NEK1: variants seen among roughly 807,000 people sequenced by gnomAD.
NEK1 encodes the protein serine/threonine-protein kinase Nek1.
NEK1 carries 137 observed loss-of-function variants against 182.1 expected under a neutral mutation model. The observed-to-expected ratio is 0.75, with a 90% CI of 0.65 to 0.87. The LOEUF is 0.87. NEK1 is among the 40% of genes least tolerant of loss of function. NEK1 has a pLI of 0.00. For missense variants in NEK1, 1,391 were observed against 1,494.4 expected (o/e 0.93, Z 1.14); for synonymous variants, 513 against 492.2 (o/e 1.04, Z -0.56).
At chr4:169,483,250 T>A (rs1179486334) in intron 23 of NEK1, among the ~76,000 whole-genome samples, 1 of 152,154 alleles carries the variant, frequency 6.6e-6, no homozygotes, top group African/African-American at 2.4e-5. Flanking sequence ...CCATCTTATA[T>A]GGGTGAAGTC....
rs185979548 is a variant in NEK1 at position 169,439,940 on chromosome 4, G to A, written c.2588-1681C>T. On this transcript the variant is annotated intron_variant, in intron 27 of 35. Coordinates refer to ENST00000507142, the MANE Select transcript of NEK1 (RefSeq NM_001199397.3). Reference sequence around the variant, plus strand: ...CAGCTCACTGCAACCTCCACCTCCCGGGTTCAAGCAATTCTCCTGCCTCAG... The same window carrying A: ...CAGCTCACTGCAACCTCCACCTCCCAGGTTCAAGCAATTCTCCTGCCTCAG... Among the ~76,000 whole-genome samples the A allele has an allele frequency of 2.7e-3, 403 of 147,018 alleles. 2 individuals carry two copies. Among genetic ancestry groups the A allele is most frequent in the Middle Eastern group, 6.9e-3 (2 of 288 alleles).
At chr4:169,481,064 A>G (rs1747913353) in intron 23 of NEK1, among the ~76,000 whole-genome samples, 1 of 152,218 alleles carries the variant, frequency 6.6e-6, no homozygotes, top group Non-Finnish European at 1.5e-5. Context: ...CTCCACCTCA[A>G]GAAACCACTT....
chr4:169,425,029 G>C (rs1736133254), intron 30 of NEK1, among the ~76,000 whole-genome samples: 1 of 152,046 alleles, frequency 6.6e-6, no homozygotes, highest in Non-Finnish European at 1.5e-5. Context: ...TCATTATATT[G>C]AAAGTTCTAC....
intron 35 of NEK1, chr4:169,399,940 G>C (rs1232465171): frequency 1.3e-5 from 5 of 372,806 alleles, no homozygotes; most frequent in Admixed American, 4.2e-5. Flanking sequence ...TATTCTAATT[G>C]CTAGAGCTGT....
rs1416401611 is a variant in NEK1, at chr4:169,400,521, CTTTA to C, written c.3710_3713del (p.Ile1237ArgfsTer17). 4 of 1,596,158 alleles carry C rather than the reference CTTTA, an allele frequency of 2.5e-6. No homozygotes were observed. The highest frequency in any genetic ancestry group is 3.4e-6 in the Non-Finnish European group (4 of 1,174,124). On this transcript the variant is annotated frameshift_variant and splice_region_variant, in exon 34 of 36. Transcript: ENST00000507142. LOFTEE classifies it high-confidence loss of function. Reference sequence around the variant, plus strand: ...GTGTTTTAATTGACTTTTCACTTACCTTTATTTTCTCATAAACCTCAAAGAATTT... The same window carrying C: ...GTGTTTTAATTGACTTTTCACTTACCTTTTCTCATAAACCTCAAAGAATTT...
At chr4:169,431,545 C>T (rs1737440956) in intron 29 of NEK1, among the ~76,000 whole-genome samples, 3 of 151,722 alleles carry the variant, frequency 2.0e-5, no homozygotes, top group African/African-American at 4.8e-5. Flanking sequence ...AAAATGTATA[C>T]AAACAGACTC....
chr4:169,589,507 A>T lies in NEK1; in HGVS notation c.404T>A (p.Phe135Tyr). The change falls in exon 7 of 36, where the codon TTT (phenylalanine) becomes TAT (tyrosine). Residue 135 changes from phenylalanine (F) to tyrosine (Y), a missense_variant. Phe to Tyr is a conservative substitution (Grantham distance 22). Coordinates refer to ENST00000507142, the MANE Select transcript of NEK1 (RefSeq NM_001199397.3). ...TTGTACTGTTCCATCTTTAGTTAAAAATATGTTCTGTAAAAGACAGGAAAA... is the reference window on the plus strand; with the variant it reads ...TTGTACTGTTCCATCTTTAGTTAAATATATGTTCTGTAAAAGACAGGAAAA... ...LHRDIKSQNI[F>Y]LTKDGTVQLG... 1 of 1,499,516 alleles carries T rather than the reference A, an allele frequency of 6.7e-7. No homozygotes were observed. The highest frequency in any genetic ancestry group is 9.0e-7 in the Non-Finnish European group (1 of 1,107,234). 92.9% of individuals were successfully genotyped at this position (1,499,516 alleles called of 1,614,324 possible).
At chr4:169,464,015 G>A (rs918462111) in intron 26 of NEK1, among the ~76,000 whole-genome samples, 10 of 152,104 alleles carry the variant, frequency 6.6e-5, no homozygotes, top group South Asian at 6.2e-4. Flanking sequence ...TGAACAAAAC[G>A]AAGTTCATAT....
At chr4:169,466,013 A>G (rs1462838534) in intron 26 of NEK1, among the ~76,000 whole-genome samples, 2 of 152,146 alleles carry the variant, frequency 1.3e-5, no homozygotes, top group Non-Finnish European at 2.9e-5. Flanking sequence ...GAAAAAAATC[A>G]ATGAATCCAA....
intron 23 of NEK1, among the ~76,000 whole-genome samples, chr4:169,505,632 G>C (rs2149685006): frequency 6.6e-6 from 1 of 152,234 alleles, no homozygotes; most frequent in South Asian, 2.1e-4. Flanking sequence ...GTTGTTCATG[G>C]GTCAATAGTA....
At chr4:169,609,534 G>A (rs1771952817) in intron 2 of NEK1, among the ~76,000 whole-genome samples, 1 of 152,016 alleles carries the variant, frequency 6.6e-6, no homozygotes, top group Admixed American at 6.6e-5. Context: ...AATATGGCAT[G>A]CTATCATTTG....
At chr4:169,494,500 T>C (rs537390897) in intron 23 of NEK1, among the ~76,000 whole-genome samples, 10 of 152,234 alleles carry the variant, frequency 6.6e-5, no homozygotes, top group Non-Finnish European at 1.5e-4. Flanking sequence ...TCTATCATTG[T>C]TGGACATCTG....
intron 7 of NEK1, 56 bp downstream of exon 7, chr4:169,589,391 G>C: frequency 1.0e-6 from 1 of 959,922 alleles, no homozygotes; most frequent in Non-Finnish European, 1.6e-6. Context: ...ACATCATCAT[G>C]GATTGAAGGT....
intron 32 of NEK1, among the ~76,000 whole-genome samples, chr4:169,402,418 T>C (rs1447802786): frequency 3.3e-5 from 5 of 152,196 alleles, no homozygotes; most frequent in Non-Finnish European, 7.4e-5. Context: ...GTGAATAAAA[T>C]GGTCACCAGA....
intron 6 of NEK1, among the ~76,000 whole-genome samples, chr4:169,589,964 T>C (rs1768162523): frequency 1.3e-5 from 2 of 152,100 alleles, no homozygotes; most frequent in South Asian, 4.1e-4. Flanking sequence ...GAAAAGGGCT[T>C]GCATAACTCA....
At chr4:169,483,373 C>A (rs1432399606) in intron 23 of NEK1, among the ~76,000 whole-genome samples, 1 of 152,080 alleles carries the variant, frequency 6.6e-6, no homozygotes, top group Non-Finnish European at 1.5e-5. Context: ...ACAAAATGAG[C>A]AAAAGCTGTT....
chr4:169,511,778 T>G (rs1487727234), intron 19 of NEK1, among the ~76,000 whole-genome samples: 1 of 152,140 alleles, frequency 6.6e-6, no homozygotes, highest in African/African-American at 2.4e-5. Context: ...CCACATTCAC[T>G]ACCTCCATCC....
intron 5 of NEK1, among the ~76,000 whole-genome samples, chr4:169,591,450 G>C (rs1385286137): frequency 1.3e-5 from 2 of 151,818 alleles, no homozygotes; most frequent in Non-Finnish European, 2.9e-5. Context: ...GGGATTACAG[G>C]TACAAGCCAC....
chr4:169,588,928 A>G (rs1767972644), intron 7 of NEK1, among the ~76,000 whole-genome samples, 193 bp from the exon 8 acceptor site: 1 of 152,180 alleles, frequency 6.6e-6, no homozygotes, highest in South Asian at 2.1e-4. Flanking sequence ...TTTTTAATAA[A>G]TTTAGTATAG....
Sources: allele counts gnomAD v4.1 joint callset (sites outside exome capture counted in the v4.1 genomes callset), GRCh38; gene constraint gnomAD v4.1.1; transcripts MANE v1.5; gene names NCBI Gene and HGNC (gene_info 2026-07-23, HGNC 2026-07-21).